The following THSD7B variants were observed in gnomAD, a reference collection of about 807,000 sequenced individuals.
THSD7B encodes thrombospondin type-1 domain-containing protein 7B.
Under a neutral mutation model 213.6 loss-of-function variants are expected in THSD7B, and 138 were observed. The ratio of observed to expected loss-of-function variants is 0.65; its 90% CI spans 0.56 to 0.74. The LOEUF (loss-of-function observed/expected upper bound fraction) is 0.74, where lower values mean the gene tolerates loss of function less well. Ranked by LOEUF, THSD7B falls within the 30% of genes least tolerant of loss-of-function variation. The pLI is 0.00. For missense variants in THSD7B, 1,931 were observed against 1,991.5 expected (o/e 0.97, Z 0.58); for synonymous variants, 742 against 687.0 (o/e 1.08, Z -1.25).
At chr2:137,440,462 C>CTTT (rs10635670) in intron 14 of THSD7B, among the ~76,000 whole-genome samples, 46 of 144,642 alleles carry the variant, frequency 3.2e-4, no homozygotes, top group South Asian at 6.6e-4. Flanking sequence ...CTCACCTTAC[C>CTTT]TTTTTTTTTT....
At chr2:137,271,393 A>G (rs1682730726) in intron 10 of THSD7B, among the ~76,000 whole-genome samples, 2 of 138,686 alleles carry the variant, frequency 1.4e-5, no homozygotes, top group African/African-American at 5.2e-5. Flanking sequence ...ATATATTATG[A>G]ATTATATATA....
intron 7 of THSD7B, among the ~76,000 whole-genome samples, chr2:137,222,873 A>G (rs2105046181): frequency 6.6e-6 from 1 of 152,342 alleles, no homozygotes; most frequent in East Asian, 1.9e-4. Context: ...TTCCTGGGTC[A>G]GAAAGGAGGA....
chr2:137,412,646 T>C (rs1045002497), intron 14 of THSD7B, among the ~76,000 whole-genome samples: 1 of 130,758 alleles, frequency 7.6e-6, no homozygotes, highest in African/African-American at 2.8e-5. Context: ...CTATATAAAG[T>C]ATAAGTATAC....
intron 2 of THSD7B, among the ~76,000 whole-genome samples, chr2:136,989,050 A>C (rs1014097137): frequency 6.6e-6 from 1 of 152,216 alleles, no homozygotes; most frequent in Non-Finnish European, 1.5e-5. Context: ...TGATGGGGTT[A>C]ATATAAATGG....
chr2:137,398,701 G>A (rs548487348), intron 12 of THSD7B, among the ~76,000 whole-genome samples: 109 of 152,266 alleles, frequency 7.2e-4, no homozygotes, highest in African/African-American at 2.5e-3. Context: ...CCCAGTTTGA[G>A]CTTCAGGGCT....
At chr2:137,011,534 A>T (rs1421989105) in intron 2 of THSD7B, among the ~76,000 whole-genome samples, 1 of 152,136 alleles carries the variant, frequency 6.6e-6, no homozygotes, top group South Asian at 2.1e-4. Context: ...ACAAGAAAAA[A>T]TGTCCCCCGA....
intron 12 of THSD7B, among the ~76,000 whole-genome samples, chr2:137,387,759 A>G (rs1222324141): frequency 6.6e-6 from 1 of 152,206 alleles, no homozygotes; most frequent in Non-Finnish European, 1.5e-5. Context: ...TCTGACAGAT[A>G]AATTTTCTGT....
intron 10 of THSD7B, among the ~76,000 whole-genome samples, chr2:137,262,416 T>G (rs1428227228): frequency 6.6e-6 from 1 of 151,532 alleles, no homozygotes; most frequent in African/African-American, 2.4e-5. Flanking sequence ...GCAGCTATAG[T>G]CACTCCCTCT....
At chr2:136,983,490 C>A (rs1228966322) in intron 2 of THSD7B, among the ~76,000 whole-genome samples, 1 of 139,140 alleles carries the variant, frequency 7.2e-6, no homozygotes, top group Non-Finnish European at 1.5e-5. Flanking sequence ...CAGCTAGAAC[C>A]CAGTAAAATC....
intron 5 of THSD7B, among the ~76,000 whole-genome samples, chr2:137,124,068 G>A (rs898076682): frequency 2.6e-5 from 4 of 152,116 alleles, no homozygotes; most frequent in Admixed American, 6.6e-5. Flanking sequence ...CCAGTTGTTC[G>A]CATACACCTG....
At position 137,025,494 on chromosome 2, in the gene THSD7B, A is replaced by G. The variant is rs991636409; in HGVS notation, c.140-30926A>G. Among the ~76,000 whole-genome samples the G allele has an allele frequency of 5.9e-5, 9 of 152,256 alleles. No individual in the cohort carries two copies. The South Asian group carries it at 1.9e-3, about 32-fold the overall frequency. The stretch of plus-strand genomic sequence containing the variant: ...TATTTAGGGTAGGCTGAGTCCTGGT[A>G]ACAAATAGATCCCCAAATAGTATAC... On this transcript the variant is annotated intron_variant, in intron 2 of 27. Coordinates refer to ENST00000409968, the MANE Select transcript of THSD7B (RefSeq NM_001316349.2).
intron 17 of THSD7B, among the ~76,000 whole-genome samples, chr2:137,595,754 T>A (rs757389073): frequency 1.3e-5 from 2 of 151,956 alleles, no homozygotes; most frequent in Non-Finnish European, 2.9e-5. Context: ...TCAATAAATG[T>A]ATATACACAT....
intron 7 of THSD7B, among the ~76,000 whole-genome samples, chr2:137,210,192 A>C (rs1358418028): frequency 6.6e-6 from 1 of 152,102 alleles, no homozygotes. Context: ...GAAAATTAAC[A>C]CAGCATGATA....
At chr2:137,337,104 ATAATAATACC>A (rs1343214550) in intron 12 of THSD7B, among the ~76,000 whole-genome samples, 13 of 151,650 alleles carry the variant, frequency 8.6e-5, no homozygotes, top group Admixed American at 8.6e-4. Context: ...TAGATACCTA[ATAATAATACC>A]TAATAATACC....
chr2:137,242,362 G>C (rs189960527), intron 9 of THSD7B, 95 bp from the exon 10 acceptor site: 1 of 875,654 alleles, frequency 1.1e-6, no homozygotes. Flanking sequence ...GGGAACATGA[G>C]GCCCTTAATA....
At chr2:137,390,024 C>T (rs993196424) in intron 12 of THSD7B, among the ~76,000 whole-genome samples, 1 of 152,054 alleles carries the variant, frequency 6.6e-6, no homozygotes, top group Admixed American at 6.6e-5. Context: ...ATTGGTTCAG[C>T]TAAACTGGCT....
intron 1 of THSD7B, among the ~76,000 whole-genome samples, chr2:136,875,277 C>G (rs1050534806): frequency 6.6e-6 from 1 of 152,062 alleles, no homozygotes; most frequent in African/African-American, 2.4e-5. Flanking sequence ...CAAAAATTAG[C>G]CAGACATGGT....
chr2:137,518,983 C>T (rs991799714), intron 15 of THSD7B, among the ~76,000 whole-genome samples: 1 of 152,184 alleles, frequency 6.6e-6, no homozygotes, highest in African/African-American at 2.4e-5. Flanking sequence ...CACGGTGGCT[C>T]ACGCCTGTAA....
intron 12 of THSD7B, among the ~76,000 whole-genome samples, chr2:137,399,135 C>G (rs1024820254): frequency 4.6e-5 from 7 of 151,912 alleles, no homozygotes; most frequent in African/African-American, 1.5e-4. Flanking sequence ...CTGCGTCACT[C>G]TCGCTGGGAG....
Sources: gnomAD v4.1 joint callset for allele counts (sites outside exome capture counted in the v4.1 genomes callset) on GRCh38, gnomAD v4.1.1 for gene constraint, MANE v1.5 for transcripts, NCBI Gene and HGNC (gene_info 2026-07-23, HGNC 2026-07-21) for gene names.